MTCH2: variants seen among roughly 807,000 people sequenced by gnomAD.
MTCH2 encodes mitochondrial carrier homolog 2.
A neutral mutation model predicts 50.6 loss-of-function variants in MTCH2; 25 were observed. That is an observed-to-expected ratio of 0.49 (90% CI 0.36 to 0.69). MTCH2 has a LOEUF of 0.69. Ranked by LOEUF, MTCH2 falls within the 30% of genes least tolerant of loss-of-function variation. The pLI, the probability that MTCH2 is intolerant of heterozygous loss-of-function variation, is 0.00. For missense variants in MTCH2, 273 were observed against 384.4 expected (o/e 0.71, Z 2.42); for synonymous variants, 106 against 132.0 (o/e 0.80, Z 1.35).
chr11:47,639,927 A>C (rs1598857553), intron 1 of MTCH2, among the ~76,000 whole-genome samples: 1 of 152,316 alleles, frequency 6.6e-6, no homozygotes, highest in East Asian at 1.9e-4. Context: ...AATGATTACC[A>C]TGGTCTTTGT....
rs1598856080 is a variant in MTCH2 at position 47,638,880 on chromosome 11, GCTTT to G, written c.173-79_173-76del. ...ATATACTACAATTTCAAAGAAACAA[GCTTT>G]CTATATATTTTCTTTCAATAACAAC... On this transcript the variant is annotated intron_variant, in intron 2 of 12. Coordinates refer to ENST00000302503, the MANE Select transcript of MTCH2 (RefSeq NM_014342.4). 4.4e-5 allele frequency: 70 copies of G among 1,574,358 alleles called. No homozygotes were observed. In the South Asian group the frequency reaches 7.6e-4, roughly 17 times the overall value.
At chr11:47,615,590 T>C (rs2097287912), downstream of MTCH2, among the ~76,000 whole-genome samples, 1 of 151,532 alleles carries the variant, frequency 6.6e-6, no homozygotes, top group African/African-American at 2.4e-5. Flanking sequence ...ACAGAGATGA[T>C]GGAATATAGG....
chr11:47,619,042 C>T (rs958854387), intron 12 of MTCH2, 123 bp from the exon 13 acceptor site: 11 of 796,860 alleles, frequency 1.4e-5, no homozygotes, highest in Non-Finnish European at 1.9e-5. Context: ...GGGACTATCA[C>T]TACAGAACAA....
intron 1 of MTCH2, among the ~76,000 whole-genome samples, chr11:47,642,128 G>A (rs1397132892): frequency 6.6e-6 from 1 of 152,186 alleles, no homozygotes; most frequent in Non-Finnish European, 1.5e-5. Context: ...GGGCAGGGCA[G>A]GGCCGGGTGG....
the MTCH2 span, among the ~76,000 whole-genome samples, chr11:47,610,825 C>T: frequency 1.3e-5 from 2 of 151,852 alleles, no homozygotes; most frequent in Admixed American, 1.3e-4. Context: ...TTGCTGCCAT[C>T]CCATCATCCT....
intron 3 of MTCH2, among the ~76,000 whole-genome samples, chr11:47,636,436 A>C (rs1290465005): frequency 6.6e-6 from 1 of 151,576 alleles, no homozygotes; most frequent in Non-Finnish European, 1.5e-5. Context: ...TCCATCTCAG[A>C]AAAAAAGAAA....
At chr11:47,611,450 C>T in the MTCH2 span, among the ~76,000 whole-genome samples, 1 of 152,244 alleles carries the variant, frequency 6.6e-6, no homozygotes, top group Non-Finnish European at 1.5e-5. Flanking sequence ...TGTCCTTATC[C>T]AACCTCTGGC....
At position 47,618,682 on chromosome 11, in the gene MTCH2, A is replaced by G; in HGVS notation, c.*151T>C. On this transcript the variant is annotated 3_prime_UTR_variant, in exon 13 of 13. Coordinates refer to ENST00000302503, the MANE Select transcript of MTCH2 (RefSeq NM_014342.4). The stretch of plus-strand genomic sequence containing the variant: ...GGTAAGTTATGTTGTGCTGGAAAAA[A>G]GAACAAAAAAGGCAGACACCAAACA... 3.9e-6 allele frequency: 2 copies of G among 518,308 alleles called. No individual in the cohort carries two copies. The highest frequency in any genetic ancestry group is 6.3e-5 in the South Asian group (2 of 31,766). The allele number at this position is 518,308 out of a possible 1,614,324, so 32.1% of individuals were successfully genotyped here.
chr11:47,642,323 A>C lies in MTCH2; in HGVS notation c.87+56T>G, dbSNP rs530535644. Reference sequence around the variant, plus strand: ...GCTGAGCCGATCCTCAGGCGCCCTGAGCAGCAGCGACCGAACGGGGCGCCG... The same window carrying C: ...GCTGAGCCGATCCTCAGGCGCCCTGCGCAGCAGCGACCGAACGGGGCGCCG... On this transcript the variant is annotated intron_variant, in intron 1 of 12. Transcript: ENST00000302503. 2.1e-6 allele frequency: 3 copies of C among 1,417,754 alleles called. No homozygotes were observed. In the African/African-American group the frequency reaches 5.2e-5, roughly 25 times the overall value. 87.8% of individuals were successfully genotyped at this position (1,417,754 alleles called of 1,614,324 possible).
downstream of MTCH2, among the ~76,000 whole-genome samples, chr11:47,615,726 G>A (rs1257214852): frequency 6.6e-6 from 1 of 150,796 alleles, no homozygotes; most frequent in Admixed American, 6.6e-5. Flanking sequence ...TCCACCTTCC[G>A]ATTTCAAGCG....
rs2097303149 is a variant in MTCH2 at position 47,631,667 on chromosome 11, T to C, written c.414A>G (p.Thr138=). The C allele has an allele frequency of 6.2e-7, 1 of 1,613,960 alleles. No homozygotes were observed. The change falls in exon 6 of 13, where the codon ACA becomes ACG. Residue 138 remains threonine (T), a synonymous_variant. Transcript: ENST00000302503. The part of the protein sequence containing the change: ...MIARSAATLI[T]HPFHVITLRS... ...CTGCAAACATACCATGGAAGGGATG[T>C]GTGATGAGGGTAGCAGCAGAACGAG...
chr11:47,631,574 C>T, intron 6 of MTCH2, 80 bp downstream of exon 6: 2 of 1,416,354 alleles, frequency 1.4e-6, no homozygotes, highest in South Asian at 2.4e-5. Context: ...GCATTTTAGT[C>T]AACTCCCACG....
the MTCH2 span, among the ~76,000 whole-genome samples, chr11:47,610,763 G>A: frequency 6.6e-6 from 1 of 151,954 alleles, no homozygotes; most frequent in Admixed American, 6.6e-5. Flanking sequence ...AGGAGCCTGA[G>A]GCTTAAAATG....
rs757395338 is a variant in MTCH2, at chr11:47,617,904, T to G, written c.*929A>C. 3.3e-5 allele frequency: 5 copies of G among 152,204 alleles called. No individual in the cohort carries two copies. Among genetic ancestry groups the G allele is most frequent in the Non-Finnish European group, 5.9e-5 (4 of 68,040 alleles). The allele number at this position is 152,204 out of a possible 1,614,324, so 9.4% of individuals were successfully genotyped here. On this transcript the variant is annotated 3_prime_UTR_variant, in exon 13 of 13. Coordinates refer to ENST00000302503, the MANE Select transcript of MTCH2 (RefSeq NM_014342.4). The stretch of plus-strand genomic sequence containing the variant: ...CATCAGAAATGCAAAACTACTCACC[T>G]TCGGCAACAATAACAAAAAGGAAAC...
At chr11:47,630,114 C>T (rs894375753) in intron 8 of MTCH2, among the ~76,000 whole-genome samples, 1 of 152,138 alleles carries the variant, frequency 6.6e-6, no homozygotes, top group African/African-American at 2.4e-5. Flanking sequence ...CTGCAACTTC[C>T]ACCTCCCGGG....
At chr11:47,604,591 G>A in the MTCH2 span, among the ~76,000 whole-genome samples, 44 of 152,150 alleles carry the variant, frequency 2.9e-4, 1 homozygote, top group African/African-American at 1.0e-3. Context: ...TAGCAATGAC[G>A]TGTTATTTAT....
chr11:47,622,898 A>G (rs1383881498), intron 11 of MTCH2, 122 bp from the exon 12 acceptor site: 4 of 573,000 alleles, frequency 7.0e-6, no homozygotes, highest in Non-Finnish European at 8.9e-6. Flanking sequence ...TTTTAGTTCA[A>G]TGAAACAAAT....
rs776127360 is a variant in MTCH2, at chr11:47,638,700, T to C, written c.278A>G (p.Gln93Arg). The C allele has an allele frequency of 6.2e-7, 1 of 1,612,110 alleles. No individual in the cohort carries two copies. The highest frequency in any genetic ancestry group is 2.2e-5 in the East Asian group (1 of 44,884). ...AGATTGATTTAATTTTCCTCTTACC[T>C]GTAAAACTTTACCATGGACCACAGT... ...LGTVVHGKVL[Q>R]HYQESDKGEE... is the part of the protein sequence containing the mutation. The change falls in exon 3 of 13, where the codon CAG becomes CGG. Residue 93 changes from glutamine to arginine, a missense_variant and splice_region_variant. Gln to Arg is a conservative substitution (Grantham distance 43). Around this residue, in one of 2 missense-constraint regions of MTCH2, gnomAD observed 203 missense variants for 244.3 expected, o/e 0.83. Coordinates refer to ENST00000302503, the MANE Select transcript of MTCH2 (RefSeq NM_014342.4).
At chr11:47,619,620 T>C (rs2097291359) in intron 12 of MTCH2, among the ~76,000 whole-genome samples, 1 of 152,096 alleles carries the variant, frequency 6.6e-6, no homozygotes, top group Non-Finnish European at 1.5e-5. Flanking sequence ...CTGGACAACA[T>C]AGTAAGACCC....
Sources: gnomAD v4.1 joint callset for allele counts (sites outside exome capture counted in the v4.1 genomes callset) on GRCh38, gnomAD v4.1.1 for gene constraint, gnomAD v4.1.1 regional missense constraint, MANE v1.5 for transcripts, NCBI Gene and HGNC (gene_info 2026-07-23, HGNC 2026-07-21) for gene names.